LIPC: variants seen among roughly 807,000 people sequenced by gnomAD.
LIPC encodes the protein lipase C, hepatic type.
A neutral mutation model predicts 50.7 loss-of-function variants in LIPC; 44 were observed. The ratio of observed to expected loss-of-function variants is 0.87; its 90% CI spans 0.68 to 1.11. The LOEUF is 1.11. Among genes scored for constraint, LIPC ranks in the 50% most tolerant of loss-of-function variants. LIPC has a pLI of 0.00. For missense variants in LIPC, 697 were observed against 648.2 expected (o/e 1.08, Z -0.82); for synonymous variants, 271 against 256.4 (o/e 1.06, Z -0.54).
At chr15:58,467,777 T>C (rs1204302167) in intron 1 of LIPC, among the ~76,000 whole-genome samples, 2 of 152,214 alleles carry the variant, frequency 1.3e-5, no homozygotes, top group Non-Finnish European at 2.9e-5. Flanking sequence ...GTGGTTTGCC[T>C]ACCAGGTATC....
chr15:58,460,532 C>G (rs952678056), intron 1 of LIPC, among the ~76,000 whole-genome samples: 2 of 152,220 alleles, frequency 1.3e-5, no homozygotes, highest in Non-Finnish European at 1.5e-5. Context: ...ATCACGTCTT[C>G]CACCCTCACT....
intron 4 of LIPC, 95 bp from the exon 5 acceptor site, chr15:58,545,647 T>C (rs536151840): frequency 9.7e-7 from 1 of 1,035,388 alleles, no homozygotes; most frequent in Non-Finnish European, 1.5e-6. Context: ...TTCCTGCTAG[T>C]TCACTGATGT....
chr15:58,513,870 C>G (rs956027219), intron 1 of LIPC, among the ~76,000 whole-genome samples: 5 of 152,174 alleles, frequency 3.3e-5, no homozygotes, highest in African/African-American at 1.2e-4. Context: ...GGAGCATTTC[C>G]GTTTCCAAAC....
intron 1 of LIPC, among the ~76,000 whole-genome samples, chr15:58,448,809 C>T (rs536519325): frequency 1.3e-5 from 2 of 152,358 alleles, no homozygotes; most frequent in African/African-American, 2.4e-5. Flanking sequence ...TGCAAAAATA[C>T]TCAGCAGAGT....
At chr15:58,547,235 CA>C (rs1246248055) in intron 5 of LIPC, among the ~76,000 whole-genome samples, 1 of 152,204 alleles carries the variant, frequency 6.6e-6, no homozygotes, top group Non-Finnish European at 1.5e-5. Flanking sequence ...GTAGTTCTCC[CA>C]GCCACAGCTG....
chr15:58,503,635 T>C (rs1892057854), intron 1 of LIPC, among the ~76,000 whole-genome samples: 2 of 152,174 alleles, frequency 1.3e-5, no homozygotes. Context: ...CCAGGGAATG[T>C]GAAGGGCAGG....
intron 1 of LIPC, among the ~76,000 whole-genome samples, chr15:58,484,977 A>T (rs1283782514): frequency 6.6e-6 from 1 of 152,184 alleles, no homozygotes; most frequent in Non-Finnish European, 1.5e-5. Flanking sequence ...GAGGGTGGAA[A>T]AGAAGGAAGA....
chr15:58,550,918 C>T (rs1893733371), intron 6 of LIPC, among the ~76,000 whole-genome samples: 1 of 149,590 alleles, frequency 6.7e-6, no homozygotes, highest in South Asian at 2.1e-4. Context: ...CTCACTGCAA[C>T]CTCCACCTGC....
rs1309748669 is a variant in LIPC, at chr15:58,541,918, A to G, written c.407A>G (p.Asn136Ser). Residue 136 changes from asparagine (N) to serine (S), a missense_variant, in exon 3 of 9, where the codon AAC becomes AGC. Coordinates refer to ENST00000299022, the MANE Select transcript of LIPC (RefSeq NM_000236.3). The stretch of plus-strand genomic sequence containing the variant: ...GACCACTACACCATCGCCGTCCGCA[A>G]CACCCGCCTTGTGGGCAAGGAGGTC... ...AHDHYTIAVR[N>S]TRLVGKEVAA... The G allele has an allele frequency of 6.2e-7, 1 of 1,611,940 alleles. No individual in the cohort carries two copies. The highest frequency in any genetic ancestry group is 2.2e-5 in the East Asian group (1 of 44,866).
chr15:58,546,343 C>T (rs1365124732), intron 5 of LIPC, among the ~76,000 whole-genome samples: 13 of 152,232 alleles, frequency 8.5e-5, no homozygotes, highest in African/African-American at 2.4e-4. Context: ...GAAGTTTCCT[C>T]GTTCCAGGGA....
chr15:58,533,302 G>A (rs1893011396), intron 1 of LIPC: 1 of 315,874 alleles, frequency 3.2e-6, no homozygotes, highest in African/African-American at 2.3e-5. Context: ...AGGTTTAAAT[G>A]AGTCAATACA....
intron 1 of LIPC, among the ~76,000 whole-genome samples, chr15:58,482,187 C>T (rs1343615958): frequency 6.6e-6 from 1 of 152,178 alleles, no homozygotes; most frequent in African/African-American, 2.4e-5. Flanking sequence ...AAACGTCTTC[C>T]TCCCAGCCCT....
At chr15:58,511,905 A>G (rs1251305615) in intron 1 of LIPC, among the ~76,000 whole-genome samples, 2 of 152,158 alleles carry the variant, frequency 1.3e-5, no homozygotes, top group Non-Finnish European at 2.9e-5. Context: ...AAGACAAAAC[A>G]TTGAGTTATA....
chr15:58,545,688 C>T (rs2140921329), intron 4 of LIPC, 54 bp from the exon 5 acceptor site: 1 of 1,461,822 alleles, frequency 6.8e-7, no homozygotes, highest in Non-Finnish European at 9.6e-7. Flanking sequence ...AAAAGCACAT[C>T]TCTCTTCCCC....
chr15:58,456,551 G>A (rs180882594), intron 1 of LIPC, among the ~76,000 whole-genome samples: 233 of 152,344 alleles, frequency 1.5e-3, no homozygotes, highest in African/African-American at 5.2e-3. Context: ...GGGAGGTGCT[G>A]GGGGGTGAAT....
chr15:58,494,475 T>C (rs947954330), intron 1 of LIPC, among the ~76,000 whole-genome samples: 5 of 152,138 alleles, frequency 3.3e-5, no homozygotes, highest in Non-Finnish European at 7.4e-5. Context: ...TTACAGAAAA[T>C]GAGAATAATA....
intron 1 of LIPC, among the ~76,000 whole-genome samples, chr15:58,530,120 T>G (rs1196214168): frequency 6.6e-6 from 1 of 152,222 alleles, no homozygotes; most frequent in African/African-American, 2.4e-5. Flanking sequence ...TAAGTACAGG[T>G]TGTTTGAAAT....
intron 6 of LIPC, among the ~76,000 whole-genome samples, chr15:58,556,578 T>C (rs1893963211): frequency 6.6e-6 from 1 of 152,242 alleles, no homozygotes. Flanking sequence ...CCCCTACTTC[T>C]ATGCATTCTG....
chr15:58,554,053 G>A (rs1462107835), intron 6 of LIPC, among the ~76,000 whole-genome samples: 1 of 152,048 alleles, frequency 6.6e-6, no homozygotes, highest in Non-Finnish European at 1.5e-5. Context: ...ATCTCCCAGA[G>A]CCAACATCTA....
Sources: allele counts gnomAD v4.1 joint callset (sites outside exome capture counted in the v4.1 genomes callset), GRCh38; gene constraint gnomAD v4.1.1; transcripts MANE v1.5; gene names NCBI Gene and HGNC (gene_info 2026-07-23, HGNC 2026-07-21).